GSG1L: variants seen among roughly 807,000 people sequenced by gnomAD.
GSG1L encodes the protein germ cell-specific gene 1-like protein.
A neutral mutation model predicts 42.1 loss-of-function variants in GSG1L; 24 were observed. That is an observed-to-expected ratio of 0.57 (90% CI 0.41 to 0.80). GSG1L has a LOEUF of 0.80. GSG1L is among the 30% of genes least tolerant of loss of function. GSG1L has a pLI of 0.00. For synonymous variants in GSG1L, 215 were observed against 203.5 expected (o/e 1.06, Z -0.48); for missense variants, 445 against 472.2 (o/e 0.94, Z 0.53).
chr16:27,884,815 G>A lies in GSG1L; in HGVS notation c.398-177C>T, dbSNP rs755330403. Among the ~76,000 whole-genome samples the A allele has an allele frequency of 5.3e-5, 8 of 152,196 alleles. No individual in the cohort carries two copies. The highest frequency in any genetic ancestry group is 1.0e-4 in the Non-Finnish European group (7 of 68,036). Reference sequence around the variant, plus strand: ...CGTCCCATCCTTGTCTGCAGGGGCCGGCTCAGGGACCGAAGCTTAAGTCAG... The same window carrying A: ...CGTCCCATCCTTGTCTGCAGGGGCCAGCTCAGGGACCGAAGCTTAAGTCAG... On this transcript the variant is annotated intron_variant, in intron 2 of 6. Coordinates refer to ENST00000447459, the MANE Select transcript of GSG1L (RefSeq NM_001109763.2). The surrounding 1 kb of genome is among the most constrained non-coding windows in gnomAD (Gnocchi z 4.4).
At position 27,888,476 on chromosome 16, in the gene GSG1L, C is replaced by CTT. The variant is rs1231479079; in HGVS notation, c.398-3839_398-3838insAA. Among the ~76,000 whole-genome samples, 11 of 60,068 alleles carry CTT rather than the reference C, an allele frequency of 1.8e-4. 3 individuals carry two copies. Among genetic ancestry groups the CTT allele is most frequent in the African/African-American group, 6.0e-4 (11 of 18,476 alleles). 39.4% of individuals were successfully genotyped at this position (60,068 alleles called of 152,430 possible). A position where few individuals can be genotyped will look rare whatever the true frequency, so the allele number is the denominator to read the frequency against. ...TCTTTCTTTCTTTCTCTCTCTCTCT[C>CTT]TCTTTCCTTTCTTTCTTTCTTTCTT... is the stretch of plus-strand genomic sequence containing the variant. On this transcript the variant is annotated intron_variant, in intron 2 of 6. Transcript: ENST00000447459.
At chr16:27,806,813 A>G (rs1434561746) in intron 6 of GSG1L, among the ~76,000 whole-genome samples, 1 of 152,106 alleles carries the variant, frequency 6.6e-6, no homozygotes. Context: ...CTGAGCCTTA[A>G]TTTCCTCATA....
intron 3 of GSG1L, among the ~76,000 whole-genome samples, chr16:27,864,392 A>G (rs963315555): frequency 2.0e-5 from 3 of 152,214 alleles, no homozygotes; most frequent in Non-Finnish European, 2.9e-5. Flanking sequence ...GAAATCCACT[A>G]TGAACACTAT....
At chr16:27,893,017 GC>G (rs1347837592) in intron 2 of GSG1L, among the ~76,000 whole-genome samples, 1 of 152,148 alleles carries the variant, frequency 6.6e-6, no homozygotes, top group African/African-American at 2.4e-5. Context: ...CTCTCAGCAG[GC>G]CCGGCAGAGC....
intron 3 of GSG1L, among the ~76,000 whole-genome samples, chr16:27,852,579 G>GGAACCCACACCAGCAC (rs1268837298): frequency 6.6e-6 from 1 of 152,148 alleles, no homozygotes; most frequent in East Asian, 1.9e-4. Context: ...CACACCAGCA[G>GGAACCCACACCAGCAC]AAACCCACAG....
At chr16:27,792,338 C>T (rs2082764951) in intron 6 of GSG1L, among the ~76,000 whole-genome samples, 1 of 152,130 alleles carries the variant, frequency 6.6e-6, no homozygotes, top group Non-Finnish European at 1.5e-5. Context: ...GGCACCGAGG[C>T]AGGGGGCACC....
intron 1 of GSG1L, among the ~76,000 whole-genome samples, chr16:28,050,183 C>CTT (rs11296654): frequency 9.5e-5 from 14 of 147,448 alleles, no homozygotes; most frequent in Admixed American, 3.4e-4. Flanking sequence ...GAGAGCAAAT[C>CTT]TTTTTTTTTT....
intron 2 of GSG1L, among the ~76,000 whole-genome samples, chr16:27,946,930 A>G (rs1460782063): frequency 6.6e-6 from 1 of 152,154 alleles, no homozygotes; most frequent in Non-Finnish European, 1.5e-5. Context: ...ATCCCACTTG[A>G]TTCTCAGAAG....
At chr16:27,888,641 C>T (rs193201620) in intron 2 of GSG1L, among the ~76,000 whole-genome samples, 12 of 149,540 alleles carry the variant, frequency 8.0e-5, no homozygotes, top group Non-Finnish European at 1.3e-4. Flanking sequence ...TCTTTAAGAC[C>T]GACTCTCACT....
intron 3 of GSG1L, among the ~76,000 whole-genome samples, chr16:27,853,887 G>A (rs2083543566): frequency 6.6e-6 from 1 of 152,078 alleles, no homozygotes; most frequent in South Asian, 2.1e-4. Context: ...CAAACTGCTG[G>A]TGGGACGATA....
intron 1 of GSG1L, among the ~76,000 whole-genome samples, chr16:28,019,206 CA>C (rs1377896220): frequency 2.0e-5 from 3 of 152,184 alleles, no homozygotes; most frequent in Admixed American, 6.5e-5. Flanking sequence ...GCACAAGATA[CA>C]GGTCACAAAG....
chr16:27,819,549 C>T (rs2083129662), intron 5 of GSG1L, among the ~76,000 whole-genome samples: 3 of 152,178 alleles, frequency 2.0e-5, no homozygotes, highest in Admixed American at 2.0e-4. Context: ...TGATGCTGCC[C>T]AGCTTGGCGG....
intron 4 of GSG1L, among the ~76,000 whole-genome samples, chr16:27,834,005 T>C (rs2083297624): frequency 6.6e-6 from 1 of 152,202 alleles, no homozygotes; most frequent in Non-Finnish European, 1.5e-5. Flanking sequence ...TGTTGAATAA[T>C]AATGGTGTTC....
intron 1 of GSG1L, among the ~76,000 whole-genome samples, chr16:28,027,276 C>T (rs933294005): frequency 1.3e-5 from 2 of 152,134 alleles, no homozygotes; most frequent in Non-Finnish European, 2.9e-5. Flanking sequence ...GTACTCCATT[C>T]ACACGCTGCA....
chr16:27,971,021 C>G (rs1032396783), intron 1 of GSG1L, among the ~76,000 whole-genome samples: 10 of 152,130 alleles, frequency 6.6e-5, no homozygotes, highest in African/African-American at 2.4e-5. Flanking sequence ...TATGTCTCTC[C>G]TTATACTACA....
chr16:27,816,717 T>C (rs1454665637), intron 5 of GSG1L, among the ~76,000 whole-genome samples: 1 of 152,058 alleles, frequency 6.6e-6, no homozygotes, highest in Non-Finnish European at 1.5e-5. Context: ...CAATGGGCCT[T>C]CGTGAGCAGT....
intron 2 of GSG1L, among the ~76,000 whole-genome samples, chr16:27,935,752 C>A (rs533915259): frequency 9.2e-5 from 14 of 151,524 alleles, no homozygotes; most frequent in East Asian, 2.0e-4. Context: ...CCTGGCCCCT[C>A]CTGCTCCCTG....
chr16:27,895,831 T>C, intron 2 of GSG1L, among the ~76,000 whole-genome samples: 1 of 152,162 alleles, frequency 6.6e-6, no homozygotes, highest in Admixed American at 6.5e-5. Context: ...GATACTTTAG[T>C]GGGATGGGCA....
Position 27,962,044 on chromosome 16 carries a change from C to T in GSG1L, c.397+1112G>A, listed in dbSNP as rs535554711. On this transcript the variant is annotated intron_variant, in intron 2 of 6. Coordinates refer to ENST00000447459, the MANE Select transcript of GSG1L (RefSeq NM_001109763.2). ...AAGCCCAGAGCCCTCTCTTAATCTCCAGGCTATCTGAAGAGACATGCATAC... is the reference window on the plus strand; with the variant it reads ...AAGCCCAGAGCCCTCTCTTAATCTCTAGGCTATCTGAAGAGACATGCATAC... Among the ~76,000 whole-genome samples the T allele has an allele frequency of 5.3e-5, 8 of 152,318 alleles. 2 individuals carry two copies. Among genetic ancestry groups the T allele is most frequent in the African/African-American group, 1.9e-4 (8 of 41,566 alleles).
Sources: allele counts gnomAD v4.1 joint callset (sites outside exome capture counted in the v4.1 genomes callset), GRCh38; gene constraint gnomAD v4.1.1; non-coding constraint Gnocchi (gnomAD v3.1); transcripts MANE v1.5; gene names NCBI Gene and HGNC (gene_info 2026-07-23, HGNC 2026-07-21).